Variants in EIF4A3 observed in about 807,000 individuals in gnomAD.
EIF4A3 encodes eukaryotic translation initiation factor 4A3.
In EIF4A3, 1 loss-of-function variant was observed where a neutral mutation model predicts 55.6. That is an observed-to-expected ratio of 0.02 (90% CI 0.01 to 0.09). The LOEUF (loss-of-function observed/expected upper bound fraction) is 0.09. EIF4A3 is among the 10% of genes least tolerant of loss of function. The pLI, the probability that EIF4A3 is intolerant of heterozygous loss-of-function variation, is 1.00. For missense variants in EIF4A3, 221 were observed against 540.7 expected, an observed-to-expected ratio of 0.41 and a Z score of 5.86; for synonymous variants, 194 against 196.3, an observed-to-expected ratio of 0.99 and a Z score of 0.10.
At position 80,146,645 on chromosome 17, in the gene EIF4A3, G is replaced by A. The variant is rs2039665969; in HGVS notation, c.169+148C>T. The stretch of plus-strand genomic sequence containing the variant: ...GAGGGCGAGGACGGGGGTGGGGGTG[G>A]GGGTCGGACGTCACTGGCCCCCGAG... On this transcript the variant is annotated intron_variant, in intron 1 of 11. Coordinates refer to ENST00000649764, the MANE Select transcript of EIF4A3 (RefSeq NM_014740.4). 7.6e-6 allele frequency: 7 copies of A among 921,232 alleles called. No individual in the cohort carries two copies. The Admixed American group carries it at 1.0e-4, about 13-fold the overall frequency. 57.1% of individuals were successfully genotyped at this position (921,232 alleles called of 1,614,324 possible).
At chr17:80,138,967 T>C in intron 7 of EIF4A3, 54 bp downstream of exon 7, 1 of 1,595,756 alleles carries the variant, frequency 6.3e-7, no homozygotes, top group Non-Finnish European at 8.6e-7. Flanking sequence ...CGACATAAAA[T>C]CCTTTATAAA....
chr17:80,145,439 C>T (rs994586192), intron 1 of EIF4A3, among the ~76,000 whole-genome samples: 7 of 152,242 alleles, frequency 4.6e-5, no homozygotes, highest in Middle Eastern at 6.8e-3. Context: ...TGGCCCACAC[C>T]TATAATCCCA....
chr17:80,146,147 C>T (rs1052355698), intron 1 of EIF4A3, among the ~76,000 whole-genome samples: 11 of 152,182 alleles, frequency 7.2e-5, no homozygotes, highest in African/African-American at 2.4e-4. Context: ...AAAATCCCAC[C>T]ACAGGGGACT....
In EIF4A3 at chr17:80,146,932, C is replaced by G; in HGVS notation, c.30G>C (p.Ser10=). 1 of 1,608,780 alleles carries G rather than the reference C, an allele frequency of 6.2e-7. No individual in the cohort carries two copies. The highest frequency in any genetic ancestry group is 1.1e-5 in the South Asian group (1 of 90,812). The change falls in exon 1 of 12, where the codon TCG becomes TCC. Residue 10 remains serine, a synonymous_variant. Transcript: ENST00000649764. The stretch of plus-strand genomic sequence containing the variant: ...TGAGCAGCCGCTTTCGCGCCGAGCC[C>G]GAGGTCGCCATCGTGGCCGTGGTCG... MATTATMAT[S]GSARKRLLKE... is the part of the protein sequence containing the mutation.
Position 80,146,775 on chromosome 17 carries a change from C to A in EIF4A3, c.169+18G>T. On this transcript the variant is annotated intron_variant, in intron 1 of 11. Transcript: ENST00000649764. The stretch of plus-strand genomic sequence containing the variant: ...CCGACTCGCCCCCGGCTGGCCCCCG[C>A]GGCCCGCGCCCGCTCACCGTAAGCG... 1 of 1,600,670 alleles carries A rather than the reference C, an allele frequency of 6.2e-7. No individual in the cohort carries two copies. The highest frequency in any genetic ancestry group is 8.5e-7 in the Non-Finnish European group (1 of 1,177,322).
At chr17:80,144,515 A>G (rs1047030242) in intron 1 of EIF4A3, among the ~76,000 whole-genome samples, 2 of 152,278 alleles carry the variant, frequency 1.3e-5, no homozygotes, top group East Asian at 3.9e-4. Context: ...TGTTTAAAAA[A>G]AAAAAAAAAT....
At chr17:80,140,246 T>C in intron 4 of EIF4A3, 106 bp from the exon 5 acceptor site, 1 of 1,318,078 alleles carries the variant, frequency 7.6e-7, no homozygotes, top group Non-Finnish European at 9.9e-7. Context: ...TTATTATTTA[T>C]GCCATTATTA....
chr17:80,138,261 C>T lies in EIF4A3; in HGVS notation c.748G>A (p.Gly250Ser). Residue 250 changes from glycine to serine, a missense_variant, in exon 8 of 12, where the codon GGC becomes AGC. Physicochemically the swap from Gly to Ser is moderately conservative, Grantham distance 56 (BLOSUM62 0). Transcript: ENST00000649764. ...LVKRDELTLE[G>S]IKQFFVAVER... is the part of the protein sequence containing the mutation. ...ACTGCCACGAAAAATTGCTTGATGC[C>T]TTCCAGAGTCAATTCATCACTGAAG... 6.2e-7 allele frequency: 1 copy of T among 1,613,920 alleles called. No homozygotes were observed. The highest frequency in any genetic ancestry group is 8.5e-7 in the Non-Finnish European group (1 of 1,180,024).
intron 1 of EIF4A3, among the ~76,000 whole-genome samples, chr17:80,145,515 G>C (rs147122155): frequency 1.3e-5 from 2 of 152,194 alleles, no homozygotes; most frequent in Non-Finnish European, 2.9e-5. Context: ...AATAAGCTGA[G>C]ATCATGCCAC....
intron 6 of EIF4A3, 115 bp downstream of exon 6, chr17:80,139,555 C>T (rs191763355): frequency 1.3e-5 from 12 of 915,962 alleles, no homozygotes; most frequent in South Asian, 1.7e-5. Flanking sequence ...TGTTTTTCCA[C>T]GATGAAAACA....
chr17:80,136,339 C>A lies in EIF4A3; in HGVS notation c.984-4G>T. 2 of 1,608,356 alleles carry A rather than the reference C, an allele frequency of 1.2e-6. No individual in the cohort carries two copies. The highest frequency in any genetic ancestry group is 1.7e-6 in the Non-Finnish European group (2 of 1,177,202). ...ATCTGTAGAAATAAGCACTCGGCTG[C>A]AAAAAGAAAGAGTGTTTGAGGCGAT... On this transcript the variant is annotated splice_region_variant and splice_polypyrimidine_tract_variant and intron_variant, in intron 9 of 11. Coordinates refer to ENST00000649764, the MANE Select transcript of EIF4A3 (RefSeq NM_014740.4).
rs78585555 is a variant in EIF4A3, at chr17:80,138,110, T to G, written c.867+32A>C. The G allele has an allele frequency of 4.4e-3, 7,032 of 1,599,402 alleles. 284 individuals carry two copies. In the African/African-American group the frequency reaches 0.082, roughly 19 times the overall value. ...CAGAGACTCAATCTGCAGTTTCCCT[T>G]CAGCACATGGATGCTGTGCAGTGCC... On this transcript the variant is annotated intron_variant, in intron 8 of 11. Transcript: ENST00000649764.
chr17:80,143,726 C>T lies in EIF4A3; in HGVS notation c.242+446G>A, dbSNP rs1371547311. 2.6e-5 allele frequency among the ~76,000 whole-genome samples: 4 copies of T among 152,272 alleles called. No homozygotes were observed. The East Asian group carries it at 7.7e-4, about 29-fold the overall frequency. On this transcript the variant is annotated intron_variant, in intron 2 of 11. Coordinates refer to ENST00000649764, the MANE Select transcript of EIF4A3 (RefSeq NM_014740.4). The stretch of plus-strand genomic sequence containing the variant: ...GGGCGCAGTAACTCATGCCTGAAAT[C>T]CCAGCACTTTAGGAGGCCAAGGAGG...
intron 2 of EIF4A3, among the ~76,000 whole-genome samples, chr17:80,143,045 A>G (rs892955766): frequency 2.2e-4 from 33 of 152,254 alleles, no homozygotes; most frequent in African/African-American, 7.9e-4. Flanking sequence ...AAAAATTTAA[A>G]TTTCAAATTT....
chr17:80,147,047 C>CTGCCGCTGCCGACCTCACTG lies in EIF4A3; in HGVS notation c.-87_-86insCAGTGAGGTCGGCAGCGGCA. On this transcript the variant is annotated 5_prime_UTR_variant, in exon 1 of 12. Transcript: ENST00000649764. ...CCTCGCTGTGCCGCTGCCGACCTCG[C>CTGCCGCTGCCGACCTCACTG]TGCCGCTGCCGACCTCGCTGTGCCG... The CTGCCGCTGCCGACCTCACTG allele has an allele frequency of 4.3e-6, 5 of 1,155,618 alleles. No individual in the cohort carries two copies. The South Asian group carries it at 5.6e-5, about 13-fold the overall frequency. 71.6% of individuals were successfully genotyped at this position (1,155,618 alleles called of 1,614,324 possible). A position where few individuals can be genotyped will look rare whatever the true frequency, so the allele number is the denominator to read the frequency against.
rs1019933152 is a variant in EIF4A3 at position 80,135,250 on chromosome 17, T to C, written c.*240A>G. The C allele has an allele frequency of 7.0e-6, 3 of 430,774 alleles. No homozygotes were observed. Among genetic ancestry groups the C allele is most frequent in the Admixed American group, 4.1e-5 (1 of 24,584 alleles). The allele number at this position is 430,774 out of a possible 1,614,324, so 26.7% of individuals were successfully genotyped here. On this transcript the variant is annotated 3_prime_UTR_variant, in exon 12 of 12. Transcript: ENST00000649764. ...AGAAGGTGGTGGCACCTTAGAAGTA[T>C]AGAGTTTATGGGAAAAGTTTTAAAT...
At chr17:80,139,258 G>A (rs981158695) in intron 6 of EIF4A3, 96 bp from the exon 7 acceptor site, 2 of 1,504,024 alleles carry the variant, frequency 1.3e-6, no homozygotes, top group Non-Finnish European at 1.8e-6. Context: ...TAGAGGCAGA[G>A]TGGTGATAAG....
rs576152812 is a variant in EIF4A3, at chr17:80,145,671, T to C, written c.169+1122A>G. Reference sequence around the variant, plus strand: ...CAGATGCTGGTCATTCCCATCTATGTGCCCAACCCAACCTCTTCTCCAGGC... The same window carrying C: ...CAGATGCTGGTCATTCCCATCTATGCGCCCAACCCAACCTCTTCTCCAGGC... On this transcript the variant is annotated intron_variant, in intron 1 of 11. Transcript: ENST00000649764. Among the ~76,000 whole-genome samples, 256 of 152,320 alleles carry C rather than the reference T, an allele frequency of 1.7e-3. 2 individuals carry two copies. Among genetic ancestry groups the C allele is most frequent in the African/African-American group, 6.0e-3 (248 of 41,582 alleles).
intron 9 of EIF4A3, chr17:80,137,112 A>C: frequency 3.2e-6 from 1 of 317,028 alleles, no homozygotes. Flanking sequence ...TGAACAGAAA[A>C]CCCCCCTACT....
Sources: gnomAD v4.1 joint callset for allele counts (sites outside exome capture counted in the v4.1 genomes callset) on GRCh38, gnomAD v4.1.1 for gene constraint, MANE v1.5 for transcripts, NCBI Gene and HGNC (gene_info 2026-07-23, HGNC 2026-07-21) for gene names.